PTGIR: variants seen among roughly 807,000 people sequenced by gnomAD.
PTGIR encodes the protein prostaglandin I2 receptor, also known as prostacyclin receptor.
A neutral mutation model predicts 17.6 loss-of-function variants in PTGIR; 16 were observed. That is an observed-to-expected ratio of 0.91 (90% confidence interval 0.61 to 1.38). The LOEUF is 1.38. PTGIR is among the 40% of genes most tolerant of loss of function. The probability of loss-of-function intolerance (pLI) is 0.00; values close to 1 mark genes in which losing one functional copy is unlikely to be tolerated. For missense variants in PTGIR, 532 were observed against 548.6 expected, an observed-to-expected ratio of 0.97 and a Z score of 0.30; for synonymous variants, 274 against 255.4, an observed-to-expected ratio of 1.07 and a Z score of -0.69.
At chr19:46,618,236 T>G (rs9710402), downstream of PTGIR, among the ~76,000 whole-genome samples, 24,555 of 151,974 alleles carry the variant, frequency 0.16, 2,328 homozygotes, top group African/African-American at 0.26. Context: ...GGATGGTCTC[T>G]ATCTCCTGAC....
chr19:46,618,837 TA>T (rs1177623591), downstream of PTGIR, among the ~76,000 whole-genome samples: 2 of 152,184 alleles, frequency 1.3e-5, no homozygotes, highest in African/African-American at 4.8e-5. Context: ...TGTTCTGCTT[TA>T]TTGTGATTTG....
downstream of PTGIR, among the ~76,000 whole-genome samples, chr19:46,616,283 G>C (rs940808921): frequency 4.1e-5 from 6 of 147,716 alleles, no homozygotes; most frequent in African/African-American, 1.5e-4. Context: ...TAGAAGGGAG[G>C]CATCAGATGC....
the PTGIR span, chr19:46,614,534 G>C: frequency 1.6e-6 from 1 of 615,816 alleles, no homozygotes; most frequent in Non-Finnish European, 2.0e-6. Context: ...CAGGCGCCTA[G>C]AGCAGTCAGC....
chr19:46,615,813 T>G (rs1971954185), downstream of PTGIR, among the ~76,000 whole-genome samples: 1 of 147,882 alleles, frequency 6.8e-6, no homozygotes, highest in Admixed American at 6.8e-5. Flanking sequence ...GCCAAAACAT[T>G]TTTTTTTAGA....
At chr19:46,616,789 G>A (rs974110501), downstream of PTGIR, among the ~76,000 whole-genome samples, 4 of 152,166 alleles carry the variant, frequency 2.6e-5, no homozygotes, top group African/African-American at 9.7e-5. Context: ...CTGAGCTACG[G>A]GAGGGCAGGG....
In PTGIR at chr19:46,623,855, G is replaced by T. The variant is rs775252968; in HGVS notation, c.371C>A (p.Pro124His). 6.2e-7 allele frequency: 1 copy of T among 1,609,992 alleles called. No individual in the cohort carries two copies. The highest frequency in any genetic ancestry group is 8.5e-7 in the Non-Finnish European group (1 of 1,178,738). The change falls in exon 2 of 3, where the codon CCC (proline) becomes CAC (histidine). Residue 124 changes from proline to histidine, a missense_variant. Transcript: ENST00000291294. ...AVERCLALSH[P>H]YLYAQLDGPR... Reference sequence around the variant, plus strand: ...CCCGTCCAGCTGCGCGTAGAGGTAGGGGTGGCTCAGCGCCAGGCAGCGCTC... The same window carrying T: ...CCCGTCCAGCTGCGCGTAGAGGTAGTGGTGGCTCAGCGCCAGGCAGCGCTC...
the PTGIR span, among the ~76,000 whole-genome samples, chr19:46,611,756 G>A: frequency 3.5e-4 from 54 of 152,352 alleles, no homozygotes; most frequent in Admixed American, 1.1e-3. Context: ...TGGGGCTATA[G>A]TGGAGGGATG....
rs536309047 is a variant in PTGIR, at chr19:46,621,438, C to G, written c.1003G>C (p.Ala335Pro). The G allele has an allele frequency of 2.5e-6, 4 of 1,613,530 alleles. No individual in the cohort carries two copies. The East Asian group carries it at 8.9e-5, about 36-fold the overall frequency. ...QLASGRRDPR[A>P]PSAPVGKEGS... ...TCCTTTCCCACAGGAGCAGAGGGGG[C>G]CCTTGGGTCCCTCCTCCCTGAGGCG... Residue 335 changes from alanine to proline, a missense_variant, in exon 3 of 3, where the codon GCC (alanine) becomes CCC (proline). Physicochemically the swap from Ala to Pro is conservative, Grantham distance 27. Transcript: ENST00000291294. This position sits in a 1 kb window ranked among gnomAD's most constrained non-coding sequence, Gnocchi z 4.8.
downstream of PTGIR, among the ~76,000 whole-genome samples, chr19:46,618,316 A>G (rs898047915): frequency 6.7e-6 from 1 of 148,686 alleles, no homozygotes; most frequent in Non-Finnish European, 1.5e-5. Flanking sequence ...GCCCGGCCTA[A>G]TTTTTGTATT....
chr19:46,612,855 G>A, the PTGIR span, among the ~76,000 whole-genome samples: 1 of 152,122 alleles, frequency 6.6e-6, no homozygotes, highest in African/African-American at 2.4e-5. Flanking sequence ...TCACTCACAA[G>A]AGTGAGTCTT....
At chr19:46,616,771 C>T (rs915936855), downstream of PTGIR, among the ~76,000 whole-genome samples, 1 of 152,232 alleles carries the variant, frequency 6.6e-6, no homozygotes, top group East Asian at 1.9e-4. Context: ...GCTGTCTCCC[C>T]CACCAAACTG....
downstream of PTGIR, among the ~76,000 whole-genome samples, chr19:46,619,591 G>C (rs1479180454): frequency 7.9e-4 from 83 of 104,774 alleles, no homozygotes; most frequent in African/African-American, 2.5e-3. Context: ...GAGAAAGAAA[G>C]AAAAGAAAGA....
chr19:46,622,306 G>A (rs2052738741), intron 2 of PTGIR: 1 of 985,412 alleles, frequency 1.0e-6, no homozygotes, highest in Non-Finnish European at 1.2e-6. Flanking sequence ...GTAGGTGGGA[G>A]ATCAGGCTCT....
At chr19:46,613,896 T>C in the PTGIR span, among the ~76,000 whole-genome samples, 1 of 152,212 alleles carries the variant, frequency 6.6e-6, no homozygotes, top group African/African-American at 2.4e-5. Flanking sequence ...CCGGTACCCA[T>C]GCTTCTCAGC....
At chr19:46,624,269 G>A in intron 1 of PTGIR, 32 bp from the exon 2 acceptor site, 1 of 1,414,510 alleles carries the variant, frequency 7.1e-7, no homozygotes. Flanking sequence ...GGGTCAGAGG[G>A]AGCCAGGGCT....
chr19:46,624,094 C>G lies in PTGIR; in HGVS notation c.132G>C (p.Ala44=), dbSNP rs754087174. The G allele has an allele frequency of 1.3e-6, 2 of 1,539,520 alleles. No homozygotes were observed. Among genetic ancestry groups the G allele is most frequent in the African/African-American group, 2.7e-5 (2 of 73,022 alleles). The part of the protein sequence containing the change: ...ALGILSARRP[A]RPSAFAVLVT... ...CCAGCACCGCGAAGGCCGAGGGGCGCGCCGGTCGCCGTGCGCTCAGGATGC... is the reference window on the plus strand; with the variant it reads ...CCAGCACCGCGAAGGCCGAGGGGCGGGCCGGTCGCCGTGCGCTCAGGATGC... The change falls in exon 2 of 3, where the codon GCG becomes GCC. Residue 44 remains alanine (A), a synonymous_variant. Coordinates refer to ENST00000291294, the MANE Select transcript of PTGIR (RefSeq NM_000960.4).
In PTGIR at chr19:46,624,092, C is replaced by T. The variant is rs191058123; in HGVS notation, c.134G>A (p.Arg45His). The T allele has an allele frequency of 4.4e-5, 67 of 1,539,768 alleles. No individual in the cohort carries two copies. In the African/African-American group the frequency reaches 5.6e-4, roughly 13 times the overall value. Residue 45 changes from arginine (R) to histidine (H), a missense_variant, in exon 2 of 3, where the codon CGC becomes CAC. Transcript: ENST00000291294. Reference protein sequence around the residue: ...LGILSARRPARPSAFAVLVTG... With the variant: ...LGILSARRPAHPSAFAVLVTG... Reference sequence around the variant, plus strand: ...CACCAGCACCGCGAAGGCCGAGGGGCGCGCCGGTCGCCGTGCGCTCAGGAT... The same window carrying T: ...CACCAGCACCGCGAAGGCCGAGGGGTGCGCCGGTCGCCGTGCGCTCAGGAT...
chr19:46,619,649 G>GA (rs61063190), downstream of PTGIR, among the ~76,000 whole-genome samples: 1,404 of 137,642 alleles, frequency 0.01, 17 homozygotes, highest in Non-Finnish European at 0.014. Context: ...AAGAAAGAAA[G>GA]AAAGAAAAGA....
chr19:46,611,030 C>T, the PTGIR span, among the ~76,000 whole-genome samples: 109 of 152,258 alleles, frequency 7.2e-4, no homozygotes, highest in African/African-American at 2.4e-3. Flanking sequence ...GACTGAAAGG[C>T]GGGGACTGAG....
Sources: gnomAD v4.1 joint callset for allele counts (sites outside exome capture counted in the v4.1 genomes callset) on GRCh38, gnomAD v4.1.1 for gene constraint, Gnocchi (gnomAD v3.1) non-coding constraint, MANE v1.5 for transcripts, NCBI Gene and HGNC (gene_info 2026-07-23, HGNC 2026-07-21) for gene names.